Variants in RSRP1 observed in about 807,000 individuals in gnomAD.
RSRP1 encodes arginine/serine-rich protein 1.
Under a neutral mutation model 33.0 loss-of-function variants are expected in RSRP1, and 37 were observed. The ratio of observed to expected loss-of-function variants is 1.12; its 90% CI spans 0.86 to 1.48. The LOEUF (loss-of-function observed/expected upper bound fraction) is 1.48. Among genes scored for constraint, RSRP1 ranks in the 40% most tolerant of loss-of-function variants. RSRP1 has a pLI of 0.00. For synonymous variants in RSRP1, 167 were observed against 158.7 expected (o/e 1.05, Z -0.40); for missense variants, 402 against 385.3 (o/e 1.04, Z -0.36).
chr1:25,248,547 C>T (rs1343828301), upstream of RSRP1, among the ~76,000 whole-genome samples: 2 of 152,054 alleles, frequency 1.3e-5, no homozygotes, highest in African/African-American at 4.8e-5. Flanking sequence ...TGGGCTCAAG[C>T]GATTCTTCCG....
chr1:25,331,868 T>C (rs1645017780), intron 1 of RSRP1, among the ~76,000 whole-genome samples: 1 of 123,034 alleles, frequency 8.1e-6, no homozygotes, highest in African/African-American at 2.8e-5. Flanking sequence ...GCCTCCGGAG[T>C]AGCTGGGACT....
intron 1 of RSRP1, among the ~76,000 whole-genome samples, chr1:25,322,247 G>T (rs1644749495): frequency 1.5e-5 from 2 of 132,474 alleles, no homozygotes; most frequent in South Asian, 4.6e-4. Flanking sequence ...CCTATCTGCA[G>T]TCCTCAGCGT....
Position 25,246,251 on chromosome 1 carries a change from A to T in RSRP1, c.520+193T>A, listed in dbSNP as rs557509082. Among the ~76,000 whole-genome samples the T allele has an allele frequency of 3.3e-5, 5 of 152,346 alleles. No homozygotes were observed. In the South Asian group the frequency reaches 1.0e-3, roughly 32 times the overall value. On this transcript the variant is annotated intron_variant, in intron 2 of 4. Coordinates refer to ENST00000243189, the MANE Select transcript of RSRP1 (RefSeq NM_020317.5). ...TTCCCTACATCCTGAGCCATTTAAC[A>T]TCCAGTTGACCTTTAACCCTAAAGA...
rs1341829049 is a variant in RSRP1 at position 25,308,801 on chromosome 1, G to A, written c.-67+29177C>T. 6.2e-5 allele frequency among the ~76,000 whole-genome samples: 8 copies of A among 129,758 alleles called. 3 individuals are homozygous for A. Among genetic ancestry groups the A allele is most frequent in the Admixed American group, 4.5e-4 (6 of 13,420 alleles). The allele number at this position is 129,758 out of a possible 152,430, so 85.1% of individuals were successfully genotyped here. On this transcript the variant is annotated intron_variant, in intron 1 of 1. Coordinates refer to the RSRP1 transcript ENST00000561867. The stretch of plus-strand genomic sequence containing the variant: ...TAGTGACAGTGATGATCTCTCTTCC[G>A]GAAGTCTTTGGTTTGCTGAGAGTAA...
intron 1 of RSRP1, among the ~76,000 whole-genome samples, chr1:25,320,888 C>T (rs1045864907): frequency 7.7e-6 from 1 of 129,784 alleles, no homozygotes; most frequent in African/African-American, 2.6e-5. Flanking sequence ...CAAAAAATAC[C>T]AAAAACTGAG....
rs1643196212 is a variant in RSRP1, at chr1:25,299,283, G to A, written c.-67+38695C>T. ...TGTAATCCCAGCTACTTGGGAGGCTGAAGCAGGAGAATCGCTTGAACCCAA... is the reference window on the plus strand; with the variant it reads ...TGTAATCCCAGCTACTTGGGAGGCTAAAGCAGGAGAATCGCTTGAACCCAA... On this transcript the variant is annotated intron_variant, in intron 1 of 1. Coordinates refer to the RSRP1 transcript ENST00000561867. Among the ~76,000 whole-genome samples the A allele has an allele frequency of 1.5e-5, 2 of 130,154 alleles. 1 individual carries two copies. The highest frequency in any genetic ancestry group is 5.3e-5 in the African/African-American group (2 of 37,746). 85.4% of individuals were successfully genotyped at this position (130,154 alleles called of 152,430 possible). A position where few individuals can be genotyped will look rare whatever the true frequency, so the allele number is the denominator to read the frequency against.
Position 25,305,362 on chromosome 1 carries a change from T to G in RSRP1, c.-67+32616A>C, listed in dbSNP as rs1189588654. Among the ~76,000 whole-genome samples the G allele has an allele frequency of 2.7e-5, 3 of 112,954 alleles. 1 individual carries two copies. The highest frequency in any genetic ancestry group is 6.3e-5 in the Non-Finnish European group (3 of 47,830). 74.1% of individuals were successfully genotyped at this position (112,954 alleles called of 152,430 possible). A position where few individuals can be genotyped will look rare whatever the true frequency, so the allele number is the denominator to read the frequency against. ...GCTCAGGCACACTTCCTGGGCTAGT[T>G]GAGGAGTCTGGATATTTATTTATTT... is the stretch of plus-strand genomic sequence containing the variant. On this transcript the variant is annotated intron_variant, in intron 1 of 1. Transcript: ENST00000561867.
intron 1 of RSRP1, among the ~76,000 whole-genome samples, chr1:25,277,749 A>G (rs1476833228): frequency 4.1e-5 from 5 of 121,406 alleles, no homozygotes; most frequent in Admixed American, 2.4e-4. Context: ...ATCTTGGCTC[A>G]CCGCAACCTC....
intron 3 of RSRP1, chr1:25,244,187 G>A: frequency 7.8e-7 from 1 of 1,288,838 alleles, no homozygotes; most frequent in Non-Finnish European, 1.0e-6. Context: ...TTATCTGCAA[G>A]TGAAGCAGGC....
At position 25,299,351 on chromosome 1, in the gene RSRP1, T is replaced by C. The variant is rs1163641986; in HGVS notation, c.-67+38627A>G. Among the ~76,000 whole-genome samples, 173 of 130,014 alleles carry C rather than the reference T, an allele frequency of 1.3e-3. 5 individuals are homozygous for C. The highest frequency in any genetic ancestry group is 4.1e-3 in the Middle Eastern group (1 of 246). The allele number at this position is 130,014 out of a possible 152,430, so 85.3% of individuals were successfully genotyped here. On this transcript the variant is annotated intron_variant, in intron 1 of 1. Transcript: ENST00000561867. ...GAGCCAAGATGGCACCAGTGCACTCTAGCCTGGCGACAGAGTGAGACTCCG... is the reference window on the plus strand; with the variant it reads ...GAGCCAAGATGGCACCAGTGCACTCCAGCCTGGCGACAGAGTGAGACTCCG...
At chr1:25,244,954 C>T (rs1639222550) in intron 3 of RSRP1, 196 bp downstream of exon 3, 4 of 1,445,810 alleles carry the variant, frequency 2.8e-6, no homozygotes, top group South Asian at 1.4e-5. Context: ...AGGCACCATG[C>T]ACGGCCAAAT....
chr1:25,243,779 T>A (rs944639892), intron 3 of RSRP1, 146 bp from the exon 4 acceptor site: 1 of 1,405,646 alleles, frequency 7.1e-7, no homozygotes, highest in Non-Finnish European at 9.3e-7. Context: ...ACAGAACTAT[T>A]GAGTTTTCCC....
At position 25,292,090 on chromosome 1, in the gene RSRP1, A is replaced by G. The variant is rs112048084; in HGVS notation, c.-66-45061T>C. 3.0e-3 allele frequency among the ~76,000 whole-genome samples: 392 copies of G among 132,424 alleles called. 47 individuals carry two copies. Among genetic ancestry groups the G allele is most frequent in the African/African-American group, 8.6e-3 (334 of 38,910 alleles). 86.9% of individuals were successfully genotyped at this position (132,424 alleles called of 152,430 possible). The stretch of plus-strand genomic sequence containing the variant: ...AACCTCTTAGAGCTTTAGTTTCTTC[A>G]TCTGTAATATGAGGGTAGCAGTACT... On this transcript the variant is annotated intron_variant, in intron 1 of 1. Transcript: ENST00000561867.
In RSRP1 at chr1:25,242,528, G is replaced by T; in HGVS notation, c.*61C>A. ...GGCTCAAAGGGATGGGATAATGCTA[G>T]AAACACTAACTTGCAATAAAGTGCA... On this transcript the variant is annotated 3_prime_UTR_variant, in exon 5 of 5. Coordinates refer to ENST00000243189, the MANE Select transcript of RSRP1 (RefSeq NM_020317.5). The T allele has an allele frequency of 9.4e-7, 1 of 1,058,558 alleles. No homozygotes were observed. Among genetic ancestry groups the T allele is most frequent in the Non-Finnish European group, 1.4e-6 (1 of 698,580 alleles). 65.6% of individuals were successfully genotyped at this position (1,058,558 alleles called of 1,614,324 possible). A position where few individuals can be genotyped will look rare whatever the true frequency, so the allele number is the denominator to read the frequency against.
In RSRP1 at chr1:25,300,222, A is replaced by G. The variant is rs958241174; in HGVS notation, c.-67+37756T>C. 3.0e-5 allele frequency among the ~76,000 whole-genome samples: 4 copies of G among 131,316 alleles called. 2 individuals carry two copies. Among genetic ancestry groups the G allele is most frequent in the Non-Finnish European group, 7.2e-5 (4 of 55,704 alleles). 86.1% of individuals were successfully genotyped at this position (131,316 alleles called of 152,430 possible). A position where few individuals can be genotyped will look rare whatever the true frequency, so the allele number is the denominator to read the frequency against. On this transcript the variant is annotated intron_variant, in intron 1 of 1. Transcript: ENST00000561867. ...CTAAGTGAACCTTGGTCAAAAGCATATAAGAGCTACTGATAGGCCGGGTGT... is the reference window on the plus strand; with the variant it reads ...CTAAGTGAACCTTGGTCAAAAGCATGTAAGAGCTACTGATAGGCCGGGTGT...
At chr1:25,294,589 G>C in intron 1 of RSRP1, 1 of 895,620 alleles carries the variant, frequency 1.1e-6, no homozygotes, top group Non-Finnish European at 1.8e-6. Flanking sequence ...CGCAGCAACA[G>C]AGCTCGGCCT....
Position 25,282,667 on chromosome 1 carries a change from G to A in RSRP1, c.-66-35638C>T, listed in dbSNP as rs562152237. ...AGGCTGGGCACGATGGCTCATGCCT[G>A]TAATCCCAGCACTTTGGGAGACGGA... On this transcript the variant is annotated intron_variant, in intron 1 of 1. Coordinates refer to the RSRP1 transcript ENST00000561867. Among the ~76,000 whole-genome samples the A allele has an allele frequency of 5.3e-5, 7 of 132,316 alleles. 2 individuals carry two copies. The highest frequency in any genetic ancestry group is 1.8e-4 in the African/African-American group (7 of 38,984). 86.8% of individuals were successfully genotyped at this position (132,316 alleles called of 152,430 possible). A position where few individuals can be genotyped will look rare whatever the true frequency, so the allele number is the denominator to read the frequency against.
Position 25,300,505 on chromosome 1 carries a change from C to G in RSRP1, c.-67+37473G>C, listed in dbSNP as rs1381560390. On this transcript the variant is annotated intron_variant, in intron 1 of 1. Coordinates refer to the RSRP1 transcript ENST00000561867. ...CCAGCTTGAGCAATGGAGCAAGACT[C>G]TGTCTCAAAAAAAAAAAAAAAAGGC... 4.0e-4 allele frequency among the ~76,000 whole-genome samples: 10 copies of G among 24,872 alleles called. 1 individual carries two copies. The highest frequency in any genetic ancestry group is 9.2e-4 in the African/African-American group (10 of 10,912). 16.3% of individuals were successfully genotyped at this position (24,872 alleles called of 152,430 possible). A position where few individuals can be genotyped will look rare whatever the true frequency, so the allele number is the denominator to read the frequency against.
chr1:25,287,710 G>T lies in RSRP1; in HGVS notation c.-66-40681C>A, dbSNP rs1642158360. On this transcript the variant is annotated intron_variant, in intron 1 of 1. Transcript: ENST00000561867. ...TGAAAATAAACGGAACTCTGAAGTG[G>T]GATGTTTTAAAATTTTATTTATTTT... Among the ~76,000 whole-genome samples, 2 of 135,288 alleles carry T rather than the reference G, an allele frequency of 1.5e-5. 1 individual carries two copies. Among genetic ancestry groups the T allele is most frequent in the African/African-American group, 5.1e-5 (2 of 39,230 alleles). The allele number at this position is 135,288 out of a possible 152,430, so 88.8% of individuals were successfully genotyped here.
Sources: gnomAD v4.1 joint callset for allele counts (sites outside exome capture counted in the v4.1 genomes callset) on GRCh38, gnomAD v4.1.1 for gene constraint, MANE v1.5 for transcripts, NCBI Gene and HGNC (gene_info 2026-07-23, HGNC 2026-07-21) for gene names.